Variants in CLASP1 observed in about 807,000 individuals in gnomAD.
CLASP1 encodes the protein cytoplasmic linker associated protein 1.
CLASP1 carries 38 observed loss-of-function variants against 192.3 expected under a neutral mutation model. The observed-to-expected ratio is 0.20, with a 90% CI of 0.15 to 0.26. The LOEUF (loss-of-function observed/expected upper bound fraction) is 0.26, where lower values mean the gene tolerates loss of function less well. Among genes scored for constraint, CLASP1 ranks in the 10% least tolerant of loss-of-function variants. The pLI is 1.00. For missense variants in CLASP1, 1,433 were observed against 1,932.5 expected (o/e 0.74, Z 4.85); for synonymous variants, 691 against 712.8 (o/e 0.97, Z 0.49).
rs545888945 is a variant in CLASP1, at chr2:121,372,458, A to C, written c.3643-4627T>G. 3.3e-5 allele frequency among the ~76,000 whole-genome samples: 5 copies of C among 152,276 alleles called. No individual in the cohort carries two copies. In the South Asian group the frequency reaches 8.3e-4, roughly 25 times the overall value. On this transcript the variant is annotated intron_variant, in intron 34 of 39. Transcript: ENST00000263710. ...CAAATATCTAACTTCTGCCTAAATC[A>C]CTGGCTGAAACAGACTGGTATATCC...
At chr2:121,431,968 C>T (rs937311449) in intron 19 of CLASP1, among the ~76,000 whole-genome samples, 2 of 152,028 alleles carry the variant, frequency 1.3e-5, no homozygotes, top group Admixed American at 6.6e-5. Context: ...ATTTACTTAA[C>T]GCTTTTCTTA....
At chr2:121,467,913 T>C (rs969449424) in intron 9 of CLASP1, among the ~76,000 whole-genome samples, 6 of 152,090 alleles carry the variant, frequency 3.9e-5, no homozygotes, top group Admixed American at 3.3e-4. Flanking sequence ...TAGGGTTTTA[T>C]AGTTTTGAGT....
chr2:121,601,295 T>G (rs1295009848), intron 2 of CLASP1, among the ~76,000 whole-genome samples: 1 of 149,252 alleles, frequency 6.7e-6, no homozygotes, highest in Admixed American at 6.7e-5. Context: ...TTTTTTGAGA[T>G]GGAGTCTTGC....
At chr2:121,344,266 T>C (rs576477207) in intron 39 of CLASP1, among the ~76,000 whole-genome samples, 1 of 152,224 alleles carries the variant, frequency 6.6e-6, no homozygotes, top group African/African-American at 2.4e-5. Context: ...CAGAGGTTCC[T>C]TCCCTTCATC....
intron 1 of CLASP1, among the ~76,000 whole-genome samples, chr2:121,632,709 C>T (rs973444218): frequency 6.6e-6 from 1 of 152,134 alleles, no homozygotes; most frequent in African/African-American, 2.4e-5. Context: ...CTAGCCTGAC[C>T]AGCATGCAGA....
At chr2:121,352,408 CA>C (rs753872190) in intron 37 of CLASP1, among the ~76,000 whole-genome samples, 2 of 152,212 alleles carry the variant, frequency 1.3e-5, no homozygotes, top group Non-Finnish European at 2.9e-5. Context: ...TTTTTCTTGC[CA>C]ATTCAAACTC....
intron 2 of CLASP1, chr2:121,531,148 T>G (rs1008466561): frequency 3.3e-6 from 2 of 614,338 alleles, no homozygotes; most frequent in East Asian, 2.8e-5. Flanking sequence ...GTTTTTGCGG[T>G]GATTAAACGG....
At chr2:121,355,453 A>T (rs1257015575) in intron 37 of CLASP1, among the ~76,000 whole-genome samples, 2 of 152,158 alleles carry the variant, frequency 1.3e-5, no homozygotes, top group Non-Finnish European at 2.9e-5. Flanking sequence ...AATGTGGATG[A>T]GGGCTTTGGT....
intron 30 of CLASP1, among the ~76,000 whole-genome samples, chr2:121,395,719 C>T (rs544647271): frequency 2.0e-5 from 3 of 152,228 alleles, no homozygotes; most frequent in South Asian, 2.1e-4. Flanking sequence ...ACACAGAAAA[C>T]CAGGCAGGTA....
chr2:121,419,920 A>G (rs1317170359), intron 22 of CLASP1, among the ~76,000 whole-genome samples: 2 of 152,208 alleles, frequency 1.3e-5, no homozygotes, highest in African/African-American at 4.8e-5. Flanking sequence ...TGCAATGAGC[A>G]TAGTCTATTG....
At chr2:121,646,884 A>G (rs936848288) in intron 1 of CLASP1, among the ~76,000 whole-genome samples, 6 of 151,618 alleles carry the variant, frequency 4.0e-5, no homozygotes, top group African/African-American at 1.2e-4. Flanking sequence ...AAGAAAACGC[A>G]AAAAAATTAG....
At chr2:121,494,914 C>T (rs1575451964) in intron 8 of CLASP1, among the ~76,000 whole-genome samples, 1 of 151,632 alleles carries the variant, frequency 6.6e-6, no homozygotes, top group African/African-American at 2.4e-5. Flanking sequence ...CTCAGCTACT[C>T]GGGAGACTGA....
At chr2:121,480,821 T>C (rs2092539052) in intron 8 of CLASP1, among the ~76,000 whole-genome samples, 1 of 152,204 alleles carries the variant, frequency 6.6e-6, no homozygotes, top group South Asian at 2.1e-4. Context: ...TAATTAATTC[T>C]AGAACCTCTC....
intron 8 of CLASP1, among the ~76,000 whole-genome samples, chr2:121,486,994 G>A (rs945757092): frequency 1.2e-4 from 19 of 152,158 alleles, no homozygotes; most frequent in Non-Finnish European, 2.5e-4. Context: ...CTATGTCCAA[G>A]TGTCCAAAAC....
intron 30 of CLASP1, among the ~76,000 whole-genome samples, chr2:121,396,916 T>C (rs1363784695): frequency 6.6e-6 from 1 of 152,192 alleles, no homozygotes; most frequent in Non-Finnish European, 1.5e-5. Flanking sequence ...TTAGAAAATA[T>C]ATAAAGTAGA....
At chr2:121,646,549 T>C (rs553068565) in intron 1 of CLASP1, among the ~76,000 whole-genome samples, 5 of 152,346 alleles carry the variant, frequency 3.3e-5, no homozygotes, top group African/African-American at 1.2e-4. Flanking sequence ...GAATCTAACA[T>C]TTGTAATCAC....
rs571938210 is a variant in CLASP1, at chr2:121,578,077, C to T, written c.195+27624G>A. Among the ~76,000 whole-genome samples the T allele has an allele frequency of 1.1e-4, 17 of 152,186 alleles. No homozygotes were observed. The South Asian group carries it at 3.5e-3, about 32-fold the overall frequency. On this transcript the variant is annotated intron_variant, in intron 2 of 39. Transcript: ENST00000263710. The stretch of plus-strand genomic sequence containing the variant: ...CCTCCTGAGTAACTGGAGTTATGGG[C>T]ACCTGCCACCACGTCCGGCTAATTT...
chr2:121,496,713 G>A (rs2093550021), intron 8 of CLASP1, among the ~76,000 whole-genome samples: 1 of 152,140 alleles, frequency 6.6e-6, no homozygotes, highest in African/African-American at 2.4e-5. Context: ...GTCCAATGCC[G>A]AGATAGGTAT....
At chr2:121,405,745 G>T (rs2076816975) in intron 25 of CLASP1, among the ~76,000 whole-genome samples, 1 of 152,216 alleles carries the variant, frequency 6.6e-6, no homozygotes, top group Non-Finnish European at 1.5e-5. Flanking sequence ...GATTCTTGAG[G>T]AACAATCGTG....
Sources: allele counts gnomAD v4.1 joint callset (sites outside exome capture counted in the v4.1 genomes callset), GRCh38; gene constraint gnomAD v4.1.1; transcripts MANE v1.5; gene names NCBI Gene and HGNC (gene_info 2026-07-23, HGNC 2026-07-21).